The following RYR1 variants were observed in gnomAD, a reference collection of about 807,000 sequenced individuals.
The protein encoded by RYR1 is central core disease of muscle.
In RYR1, 342 loss-of-function variants were observed where a neutral mutation model predicts 583.5. That is an observed-to-expected ratio of 0.59 (90% CI 0.54 to 0.64). The LOEUF (loss-of-function observed/expected upper bound fraction) is 0.64. Among genes scored for constraint, RYR1 ranks in the 30% least tolerant of loss-of-function variants. The pLI, the probability that RYR1 is intolerant of heterozygous loss-of-function variation, is 0.00. For missense variants in RYR1, 6,032 were observed against 6,917.2 expected, an observed-to-expected ratio of 0.87 and a Z score of 4.54; for synonymous variants, 2,791 against 2,822.5, an observed-to-expected ratio of 0.99 and a Z score of 0.35.
chr19:38,504,822 T>C lies in RYR1; in HGVS notation c.8142T>C (p.Tyr2714=), dbSNP rs567352621. The C allele has an allele frequency of 6.3e-5, 101 of 1,614,018 alleles. No homozygotes were observed. Among genetic ancestry groups the C allele is most frequent in the Non-Finnish European group, 7.8e-5 (92 of 1,180,014 alleles). The change falls in exon 51 of 106, where the codon TAT becomes TAC. Residue 2714 remains tyrosine (Y), a synonymous_variant. Coordinates refer to ENST00000359596, the MANE Select transcript of RYR1 (RefSeq NM_000540.3). ...TTGCCGGGGCTCTGCCCCCCGACTA[T>C]GTGGATGCCTCATACTCATCTAAGG... ...CAIAGALPPD[Y]VDASYSSKAE...
Position 38,473,558 on chromosome 19 carries a change from C to T in RYR1, c.3947C>T (p.Pro1316Leu). 6.2e-7 allele frequency: 1 copy of T among 1,600,812 alleles called. No homozygotes were observed. The highest frequency in any genetic ancestry group is 1.3e-5 in the African/African-American group (1 of 74,844). The change falls in exon 28 of 106, where the codon CCC becomes CTC. Residue 1316 changes from proline (P) to leucine (L), a missense_variant. Coordinates refer to ENST00000359596, the MANE Select transcript of RYR1 (RefSeq NM_000540.3). ...CCGCTGGCACCTCCTGGCCTGCAGC[C>T]CCCCGCCGAGGACGAGGCCCGGGCG... The part of the protein sequence containing the change: ...ATPLAPPGLQ[P>L]PAEDEARAAE...
At chr19:38,490,053 C>G (rs910422120) in intron 35 of RYR1, 23 bp from the exon 36 acceptor site, 17 of 1,612,220 alleles carry the variant, frequency 1.1e-5, no homozygotes, top group Admixed American at 1.7e-5. Context: ...CATCTCTCCT[C>G]CCACACGGCT....
chr19:38,526,712 CT>C (rs1469079612), intron 71 of RYR1, among the ~76,000 whole-genome samples: 1 of 152,060 alleles, frequency 6.6e-6, no homozygotes, highest in African/African-American at 2.4e-5. Flanking sequence ...CATATTTGAC[CT>C]TTGATGAGAT....
intron 101 of RYR1, among the ~76,000 whole-genome samples, 199 bp downstream of exon 101, chr19:38,580,703 AAAAT>A (rs1278125250): frequency 6.6e-6 from 1 of 152,068 alleles, no homozygotes; most frequent in Non-Finnish European, 1.5e-5. Context: ...TCTATAAAAA[AAAAT>A]TTAAACGTTA....
intron 26 of RYR1, 28 bp from the exon 27 acceptor site, chr19:38,469,257 GCCCTGCCCACCTGCCCTCAC>G: frequency 6.2e-7 from 1 of 1,608,504 alleles, no homozygotes; most frequent in Non-Finnish European, 8.5e-7. Flanking sequence ...GGCTCCCTCT[GCCCTGCCCACCTGCCCTCAC>G]CCCTGCCCAT....
chr19:38,523,430 G>A (rs1324717709), intron 69 of RYR1, 121 bp downstream of exon 69: 3 of 1,111,554 alleles, frequency 2.7e-6, no homozygotes, highest in African/African-American at 3.1e-5. Context: ...GCAGTCCTCA[G>A]AGCAGCCCCT....
chr19:38,458,331 T>C, intron 18 of RYR1, 39 bp downstream of exon 18: 1 of 1,592,280 alleles, frequency 6.3e-7, no homozygotes, highest in Non-Finnish European at 8.6e-7. Flanking sequence ...CCCCTGACCA[T>C]TGACCCCAGC....
rs139344688 is a variant in RYR1, at chr19:38,501,094, G to A, written c.7614+104G>A. 1.0e-3 allele frequency: 1,192 copies of A among 1,137,592 alleles called. 7 individuals carry two copies. In the African/African-American group the frequency reaches 0.015, roughly 14 times the overall value. The allele number at this position is 1,137,592 out of a possible 1,614,324, so 70.5% of individuals were successfully genotyped here. A position where few individuals can be genotyped will look rare whatever the true frequency, so the allele number is the denominator to read the frequency against. On this transcript the variant is annotated intron_variant, in intron 47 of 105. Transcript: ENST00000359596. ...AGCTGCTTTTGTTTTTCTTGGGATT[G>A]TGGACATATCATAATCCCCAATACC... is the stretch of plus-strand genomic sequence containing the variant.
rs1568453154 is a variant in RYR1 at position 38,459,273 on chromosome 19, T to C, written c.2295T>C (p.Gly765=). The part of the protein sequence containing the change: ...SFRINGCPVQ[G]VFESFNLDGL... Reference sequence around the variant, plus strand: ...GCATCAACGGCTGCCCCGTGCAGGGTGTCTTTGAGTCCTTCAACCTGGACG... The same window carrying C: ...GCATCAACGGCTGCCCCGTGCAGGGCGTCTTTGAGTCCTTCAACCTGGACG... Residue 765 remains glycine, a synonymous_variant, in exon 19 of 106, where the codon GGT becomes GGC. Transcript: ENST00000359596. The C allele has an allele frequency of 6.2e-7, 1 of 1,614,024 alleles. No homozygotes were observed.
chr19:38,585,369 G>GATATATATATATATATATATATATAT (rs3039200), intron 102 of RYR1, among the ~76,000 whole-genome samples: 22 of 141,054 alleles, frequency 1.6e-4, no homozygotes, highest in African/African-American at 5.7e-4. Flanking sequence ...AAAGGCCTGA[G>GATATATATATATATATATATATATAT]ATATATATAT....
At chr19:38,537,110 G>A (rs890446808) in intron 83 of RYR1, 2 of 434,068 alleles carry the variant, frequency 4.6e-6, no homozygotes, top group African/African-American at 4.0e-5. Context: ...TCCCGGTGTG[G>A]AGTGATCCCC....
At position 38,510,665 on chromosome 19, in the gene RYR1, G is replaced by T. The variant is rs1422726213; in HGVS notation, c.9006G>T (p.Leu3002=). Residue 3002 remains leucine, a synonymous_variant, in exon 60 of 106, where the codon CTG becomes CTT. Coordinates refer to ENST00000359596, the MANE Select transcript of RYR1 (RefSeq NM_000540.3). ...CTCCCCCAACCCGTCTCCAGATCCT[G>T]CTCCCTTTGATCAACCAGTACTTCA... The part of the protein sequence containing the change: ...EQEIKFFAKI[L]LPLINQYFTN... The T allele has an allele frequency of 6.2e-7, 1 of 1,613,754 alleles. No individual in the cohort carries two copies. Among genetic ancestry groups the T allele is most frequent in the Non-Finnish European group, 8.5e-7 (1 of 1,180,000 alleles).
At position 38,464,798 on chromosome 19, in the gene RYR1, G is replaced by A. The variant is rs937608729; in HGVS notation, c.2870+76G>A. 2.2e-4 allele frequency: 301 copies of A among 1,363,606 alleles called. 1 individual carries two copies. The highest frequency in any genetic ancestry group is 1.3e-3 in the South Asian group (101 of 80,000). The allele number at this position is 1,363,606 out of a possible 1,614,324, so 84.5% of individuals were successfully genotyped here. ...TGCTGTGCTAAGGGCTGGGGAGGTCGAGGGGTCTTGTGGGGAGGCTGAGGT... is the reference window on the plus strand; with the variant it reads ...TGCTGTGCTAAGGGCTGGGGAGGTCAAGGGGTCTTGTGGGGAGGCTGAGGT... On this transcript the variant is annotated intron_variant, in intron 23 of 105. Coordinates refer to ENST00000359596, the MANE Select transcript of RYR1 (RefSeq NM_000540.3).
At chr19:38,511,521 C>G in intron 60 of RYR1, 40 bp from the exon 61 acceptor site, 1 of 1,610,956 alleles carries the variant, frequency 6.2e-7, no homozygotes. Flanking sequence ...CCTCCTCACT[C>G]GCTGTTTCTC....
intron 34 of RYR1, 69 bp from the exon 35 acceptor site, chr19:38,489,108 G>A: frequency 7.2e-7 from 1 of 1,397,504 alleles, no homozygotes; most frequent in Non-Finnish European, 1.0e-6. Context: ...CAGGTCTGGA[G>A]AATGAGGCCA....
chr19:38,440,919 A>G (rs1600631443), intron 2 of RYR1, 55 bp downstream of exon 2: 7 of 1,575,172 alleles, frequency 4.4e-6, no homozygotes, highest in Middle Eastern at 1.7e-4. Flanking sequence ...GGGGCAGAGA[A>G]TCTTGGGTCC....
Position 38,469,315 on chromosome 19 carries a change from C to T in RYR1, c.3567C>T (p.Pro1189=), listed in dbSNP as rs200161205. ...ATCCCCTCCCACCAGGCTTCCTGCCCGTCTGCAGCTTGGGACCTGGCCAGG... is the reference window on the plus strand; with the variant it reads ...ATCCCCTCCCACCAGGCTTCCTGCCTGTCTGCAGCTTGGGACCTGGCCAGG... ...REIEIGDGFL[P]VCSLGPGQVG... Residue 1189 remains proline (P), a synonymous_variant, in exon 27 of 106, where the codon CCC becomes CCT. Transcript: ENST00000359596. 116 of 1,613,912 alleles carry T rather than the reference C, an allele frequency of 7.2e-5. No homozygotes were observed. The highest frequency in any genetic ancestry group is 2.3e-4 in the Admixed American group (14 of 59,988).
In RYR1 at chr19:38,512,159, T is replaced by C. The variant is rs1163960923; in HGVS notation, c.9233+27T>C. 6.2e-7 allele frequency: 1 copy of C among 1,613,694 alleles called. No individual in the cohort carries two copies. Among genetic ancestry groups the C allele is most frequent in the South Asian group, 1.1e-5 (1 of 91,086 alleles). Reference sequence around the variant, plus strand: ...TAGGGCCATAGGCAGTGGCGCCCACTCCCACCATCATCGGGCCCCCACCCC... The same window carrying C: ...TAGGGCCATAGGCAGTGGCGCCCACCCCCACCATCATCGGGCCCCCACCCC... On this transcript the variant is annotated intron_variant, in intron 62 of 105. Coordinates refer to ENST00000359596, the MANE Select transcript of RYR1 (RefSeq NM_000540.3). This position sits in a 1 kb window ranked among gnomAD's most constrained non-coding sequence, Gnocchi z 5.1.
rs1158159790 is a variant in RYR1, at chr19:38,525,327, C to T, written c.10456-5C>T. 1 of 1,613,774 alleles carries T rather than the reference C, an allele frequency of 6.2e-7. No individual in the cohort carries two copies. Among genetic ancestry groups the T allele is most frequent in the Non-Finnish European group, 8.5e-7 (1 of 1,179,906 alleles). ...GGGCTGGTGCTGAGCCCTGTGTCCC[C>T]ACAGTCCGGTGGCTCGGACCAGGAA... On this transcript the variant is annotated splice_region_variant and splice_polypyrimidine_tract_variant and intron_variant, in intron 70 of 105. Coordinates refer to ENST00000359596, the MANE Select transcript of RYR1 (RefSeq NM_000540.3).
Sources: allele counts gnomAD v4.1 joint callset (sites outside exome capture counted in the v4.1 genomes callset), GRCh38; gene constraint gnomAD v4.1.1; non-coding constraint Gnocchi (gnomAD v3.1); transcripts MANE v1.5; gene names NCBI Gene and HGNC (gene_info 2026-07-23, HGNC 2026-07-21).